NBAS: variants seen among roughly 807,000 people sequenced by gnomAD.
NBAS encodes the protein NAG/BC035112 fusion.
NBAS carries 219 observed loss-of-function variants against 302.5 expected under a neutral mutation model. The ratio of observed to expected loss-of-function variants is 0.72; its 90% CI spans 0.65 to 0.81. The LOEUF is 0.81. NBAS is among the 30% of genes least tolerant of loss of function. NBAS has a pLI of 0.00. For missense variants in NBAS, 2,932 were observed against 2,841.6 expected (o/e 1.03, Z -0.72); for synonymous variants, 1,118 against 1,021.6 (o/e 1.09, Z -1.80).
chr2:15,536,598 TA>T, intron 7 of NBAS, 47 bp from the exon 8 acceptor site: 1 of 1,443,680 alleles, frequency 6.9e-7, no homozygotes. Context: ...AAAAACTAGA[TA>T]AAAGTTAACA....
the NBAS span, among the ~76,000 whole-genome samples, chr2:15,041,426 C>T: frequency 2.0e-5 from 3 of 152,226 alleles, no homozygotes; most frequent in Non-Finnish European, 2.9e-5. Context: ...AAAACCATTA[C>T]AAGAGAAACA....
At chr2:14,945,500 A>G in the NBAS span, among the ~76,000 whole-genome samples, 3,087 of 152,352 alleles carry the variant, frequency 0.02, 46 homozygotes, top group Non-Finnish European at 0.026. Flanking sequence ...TCAAGAATTC[A>G]AAACTTTAGT....
intron 24 of NBAS, 95 bp from the exon 25 acceptor site, chr2:15,415,814 T>C: frequency 1.5e-6 from 2 of 1,318,308 alleles, no homozygotes; most frequent in Non-Finnish European, 2.2e-6. Flanking sequence ...TTACAGGTCC[T>C]CAGACTGATG....
chr2:15,548,500 G>A (rs945721243), intron 6 of NBAS, among the ~76,000 whole-genome samples: 1 of 152,000 alleles, frequency 6.6e-6, no homozygotes, highest in East Asian at 1.9e-4. Flanking sequence ...AAAAATGCCG[G>A]GTGTGATGGC....
the NBAS span, among the ~76,000 whole-genome samples, chr2:15,086,770 C>A: frequency 2.0e-5 from 3 of 152,152 alleles, no homozygotes; most frequent in Non-Finnish European, 2.9e-5. Context: ...AGGTTTCCAG[C>A]CAGAAAAGTG....
At chr2:15,010,490 C>T in the NBAS span, among the ~76,000 whole-genome samples, 1 of 151,992 alleles carries the variant, frequency 6.6e-6, no homozygotes, top group Non-Finnish European at 1.5e-5. Flanking sequence ...TATCCTTTAC[C>T]TTACCTGGTA....
chr2:15,418,405 C>T (rs1677049208), intron 23 of NBAS, among the ~76,000 whole-genome samples: 1 of 152,186 alleles, frequency 6.6e-6, no homozygotes, highest in Admixed American at 6.5e-5. Flanking sequence ...GCCATTCTCT[C>T]TCACACTACT....
the NBAS span, among the ~76,000 whole-genome samples, chr2:14,976,414 A>G: frequency 6.6e-6 from 1 of 152,324 alleles, no homozygotes; most frequent in East Asian, 1.9e-4. Context: ...CACAAGGTCT[A>G]CCAGAGAATA....
At chr2:15,072,476 T>C in the NBAS span, among the ~76,000 whole-genome samples, 6 of 152,214 alleles carry the variant, frequency 3.9e-5, no homozygotes, top group East Asian at 1.2e-3. Context: ...ATGATGTTTC[T>C]GTAGTATTGA....
chr2:15,338,517 C>G (rs1440030726), intron 35 of NBAS, among the ~76,000 whole-genome samples: 1 of 151,832 alleles, frequency 6.6e-6, no homozygotes. Context: ...TCTGACTCTG[C>G]TTCATCTCAT....
intron 44 of NBAS, among the ~76,000 whole-genome samples, chr2:15,261,290 T>C (rs751730089): frequency 6.6e-6 from 1 of 152,242 alleles, no homozygotes; most frequent in Non-Finnish European, 1.5e-5. Flanking sequence ...GTGCTTAGTA[T>C]AGCACGTTAA....
At position 15,284,476 on chromosome 2, in the gene NBAS, C is replaced by T. The variant is rs552118882; in HGVS notation, c.5138+2597G>A. 7.9e-5 allele frequency among the ~76,000 whole-genome samples: 12 copies of T among 152,274 alleles called. No homozygotes were observed. In the South Asian group the frequency reaches 1.5e-3, roughly 18 times the overall value. On this transcript the variant is annotated intron_variant, in intron 42 of 51. Transcript: ENST00000281513. ...TCATCTGCTATATAATGGTATCTCA[C>T]CCAACCCTCTCTGTGTACACTTATT...
chr2:15,092,673 C>A, the NBAS span, among the ~76,000 whole-genome samples: 36 of 152,292 alleles, frequency 2.4e-4, no homozygotes, highest in East Asian at 7.0e-3. Context: ...TGGACCCAGC[C>A]AGAACTTCCT....
chr2:15,277,897 T>C (rs556309846), intron 42 of NBAS, among the ~76,000 whole-genome samples: 1 of 152,274 alleles, frequency 6.6e-6, no homozygotes, highest in African/African-American at 2.4e-5. Flanking sequence ...TGTGGTCTAG[T>C]GTAATCTCAA....
chr2:15,082,794 C>T, the NBAS span, among the ~76,000 whole-genome samples: 1 of 152,206 alleles, frequency 6.6e-6, no homozygotes, highest in African/African-American at 2.4e-5. Context: ...CCCATTTACT[C>T]CTCCTGGTAT....
chr2:15,364,426 G>GAGGCTA lies in NBAS; in HGVS notation c.3817+2148_3817+2153dup, dbSNP rs200210220. On this transcript the variant is annotated intron_variant, in intron 32 of 51. Transcript: ENST00000281513. ...CATGCCTGTAATCCCAGCTACTCGG[G>GAGGCTA]AGGCTAAGGCAGGAGACTCGCTTGA... is the stretch of plus-strand genomic sequence containing the variant. Among the ~76,000 whole-genome samples the GAGGCTA allele has an allele frequency of 8.4e-3, 1,282 of 152,286 alleles. 17 individuals are homozygous for GAGGCTA. Among genetic ancestry groups the GAGGCTA allele is most frequent in the East Asian group, 0.059 (302 of 5,162 alleles).
At chr2:15,259,189 A>G (rs1668740715) in intron 44 of NBAS, among the ~76,000 whole-genome samples, 1 of 152,208 alleles carries the variant, frequency 6.6e-6, no homozygotes, top group African/African-American at 2.4e-5. Context: ...ACATTTTTTA[A>G]ATGTTACTTT....
intron 19 of NBAS, among the ~76,000 whole-genome samples, chr2:15,463,309 A>G (rs1572888555): frequency 6.6e-6 from 1 of 152,290 alleles, no homozygotes; most frequent in East Asian, 1.9e-4. Flanking sequence ...TTCCTCATGC[A>G]TGACAATTAT....
chr2:15,399,721 A>T (rs1230539165), intron 26 of NBAS, among the ~76,000 whole-genome samples: 2 of 152,222 alleles, frequency 1.3e-5, no homozygotes, highest in Non-Finnish European at 2.9e-5. Context: ...AATTTCCAGA[A>T]TGGATTAGAC....
Sources: gnomAD v4.1 joint callset for allele counts (sites outside exome capture counted in the v4.1 genomes callset) on GRCh38, gnomAD v4.1.1 for gene constraint, MANE v1.5 for transcripts, NCBI Gene and HGNC (gene_info 2026-07-23, HGNC 2026-07-21) for gene names.